The following RALYL variants were observed in gnomAD, a reference collection of about 807,000 sequenced individuals.
RALYL encodes the protein RALY RNA binding protein like.
A neutral mutation model predicts 35.1 loss-of-function variants in RALYL; 29 were observed. The ratio of observed to expected loss-of-function variants is 0.83; its 90% CI spans 0.61 to 1.13. RALYL has a LOEUF of 1.13. Among genes scored for constraint, RALYL ranks in the 50% most tolerant of loss-of-function variants. The pLI, the probability that RALYL is intolerant of heterozygous loss-of-function variation, is 0.00. For synonymous variants in RALYL, 120 were observed against 127.6 expected (o/e 0.94, Z 0.40); for missense variants, 359 against 360.4 (o/e 1.00, Z 0.03).
chr8:84,303,878 A>C (rs1417162571), intron 1 of RALYL, among the ~76,000 whole-genome samples: 1 of 152,118 alleles, frequency 6.6e-6, no homozygotes, highest in East Asian at 1.9e-4. Context: ...TATTAAACAC[A>C]CTTAACTTTT....
intron 2 of RALYL, among the ~76,000 whole-genome samples, chr8:84,580,130 A>G (rs1489272472): frequency 1.3e-5 from 2 of 152,244 alleles, no homozygotes; most frequent in Non-Finnish European, 2.9e-5. Flanking sequence ...TTGTGTTATC[A>G]TATAAGACAG....
At chr8:84,514,090 T>TAAAAAAAAAAAAAAAAAAAACA (rs2057848667) in intron 1 of RALYL, among the ~76,000 whole-genome samples, 1 of 41,158 alleles carries the variant, frequency 2.4e-5, no homozygotes, top group African/African-American at 7.8e-5. Context: ...AGATTTCATC[T>TAAAAAAAAAAAAAAAAAAAACA]AAAAAAAAAA....
intron 1 of RALYL, among the ~76,000 whole-genome samples, chr8:84,263,905 G>T (rs1285931363): frequency 6.6e-6 from 1 of 152,100 alleles, no homozygotes; most frequent in Non-Finnish European, 1.5e-5. Context: ...GAGGATAATG[G>T]CTTCCAGCTT....
intron 1 of RALYL, among the ~76,000 whole-genome samples, chr8:84,475,827 G>A (rs1287291658): frequency 2.0e-5 from 3 of 152,106 alleles, no homozygotes; most frequent in Admixed American, 6.6e-5. Flanking sequence ...TAAGATTGTC[G>A]TAGTCTAGGC....
chr8:84,669,307 C>A (rs1350628726), intron 2 of RALYL, among the ~76,000 whole-genome samples: 1 of 151,944 alleles, frequency 6.6e-6, no homozygotes, highest in Non-Finnish European at 1.5e-5. Flanking sequence ...TTGGGCAGGG[C>A]CATTTGGGAA....
intron 2 of RALYL, among the ~76,000 whole-genome samples, chr8:84,672,458 A>G (rs936281178): frequency 6.6e-6 from 1 of 152,172 alleles, no homozygotes; most frequent in Non-Finnish European, 1.5e-5. Flanking sequence ...CCCAGTTCCA[A>G]AGTAACTTCA....
chr8:84,333,900 C>G (rs1847288481), intron 1 of RALYL, among the ~76,000 whole-genome samples: 1 of 151,992 alleles, frequency 6.6e-6, no homozygotes, highest in Non-Finnish European at 1.5e-5. Flanking sequence ...TTTTTTCCCC[C>G]CTTGGGACAC....
chr8:84,278,315 C>T (rs1251302924), intron 1 of RALYL, among the ~76,000 whole-genome samples: 1 of 152,218 alleles, frequency 6.6e-6, no homozygotes, highest in Non-Finnish European at 1.5e-5. Flanking sequence ...GTACAGGGTG[C>T]CATGTCCCAA....
At chr8:84,633,817 A>G (rs1226626648) in intron 2 of RALYL, among the ~76,000 whole-genome samples, 1 of 151,814 alleles carries the variant, frequency 6.6e-6, no homozygotes, top group African/African-American at 2.4e-5. Context: ...CCACCATAGA[A>G]AGATCCATCA....
intron 2 of RALYL, among the ~76,000 whole-genome samples, chr8:84,752,303 A>C (rs145343646): frequency 2.0e-5 from 3 of 152,216 alleles, no homozygotes; most frequent in African/African-American, 7.2e-5. Context: ...AAGCATTCAC[A>C]GTGACCTGGC....
At position 84,328,242 on chromosome 8, in the gene RALYL, G is replaced by GA. The variant is rs758423449; in HGVS notation, c.-24+143819dup. 1.3e-3 allele frequency among the ~76,000 whole-genome samples: 198 copies of GA among 152,312 alleles called. 1 individual carries two copies. The highest frequency in any genetic ancestry group is 2.4e-3 in the Non-Finnish European group (162 of 68,024). ...CATCTGGGTTAGCTCACCGTTTCTAGACCCAGAAATTTGTCAGTTTTAAGA... is the reference window on the plus strand; with the variant it reads ...CATCTGGGTTAGCTCACCGTTTCTAGAACCCAGAAATTTGTCAGTTTTAAGA... On this transcript the variant is annotated intron_variant, in intron 1 of 8. Transcript: ENST00000521268.
intron 2 of RALYL, among the ~76,000 whole-genome samples, chr8:84,713,641 A>G (rs1358763602): frequency 1.3e-5 from 2 of 151,990 alleles, no homozygotes; most frequent in African/African-American, 4.8e-5. Context: ...GTAGGAATGT[A>G]TATTAGTACA....
intron 2 of RALYL, among the ~76,000 whole-genome samples, chr8:84,650,997 C>T (rs1229453864): frequency 4.6e-5 from 7 of 152,010 alleles, no homozygotes; most frequent in African/African-American, 1.4e-4. Flanking sequence ...CGCATATTCT[C>T]ACTCATAGGT....
chr8:84,607,046 C>T (rs551067203), intron 2 of RALYL, among the ~76,000 whole-genome samples: 26 of 151,890 alleles, frequency 1.7e-4, no homozygotes, highest in Non-Finnish European at 2.8e-4. Flanking sequence ...GTGCCACATT[C>T]GGGACTCATA....
intron 1 of RALYL, among the ~76,000 whole-genome samples, chr8:84,445,398 G>A (rs932136914): frequency 6.6e-6 from 1 of 151,816 alleles, no homozygotes; most frequent in Non-Finnish European, 1.5e-5. Context: ...GAATTTAGAA[G>A]GATATCTAAT....
chr8:84,376,657 T>C (rs1256347530), intron 1 of RALYL, among the ~76,000 whole-genome samples: 1 of 151,612 alleles, frequency 6.6e-6, no homozygotes, highest in East Asian at 1.9e-4. Context: ...ATTAGAAGAG[T>C]AGTCAAATCA....
intron 1 of RALYL, among the ~76,000 whole-genome samples, chr8:84,282,389 A>G (rs915343888): frequency 1.2e-4 from 19 of 152,196 alleles, no homozygotes; most frequent in Non-Finnish European, 2.5e-4. Flanking sequence ...TAATTGCTAA[A>G]GGATATTTGG....
chr8:84,232,719 G>T (rs1285440040), intron 1 of RALYL, among the ~76,000 whole-genome samples: 2 of 151,976 alleles, frequency 1.3e-5, no homozygotes, highest in Non-Finnish European at 2.9e-5. Flanking sequence ...AAGAGAGACG[G>T]TAGGCATATA....
intron 2 of RALYL, among the ~76,000 whole-genome samples, chr8:84,727,626 C>G (rs193045752): frequency 1.7e-5 from 2 of 119,378 alleles, no homozygotes; most frequent in African/African-American, 6.0e-5. Flanking sequence ...TCCTCCCTCC[C>G]CCCACCCCAC....
Sources: allele counts gnomAD v4.1 joint callset (sites outside exome capture counted in the v4.1 genomes callset), GRCh38; gene constraint gnomAD v4.1.1; transcripts MANE v1.5; gene names NCBI Gene and HGNC (gene_info 2026-07-23, HGNC 2026-07-21).